The following MYO16 variants were observed in gnomAD, a reference collection of about 807,000 sequenced individuals.
MYO16 encodes the protein myosin XVI.
In MYO16, 94 loss-of-function variants were observed where a neutral mutation model predicts 205.3. That is an observed-to-expected ratio of 0.46 (90% confidence interval 0.39 to 0.54). The LOEUF is 0.54. MYO16 is among the 20% of genes least tolerant of loss of function. The pLI, the probability that MYO16 is intolerant of heterozygous loss-of-function variation, is 0.00. For missense variants in MYO16, 2,315 were observed against 2,387.5 expected (o/e 0.97, Z 0.63); for synonymous variants, 988 against 954.0 (o/e 1.04, Z -0.66).
intron 2 of MYO16, among the ~76,000 whole-genome samples, chr13:108,675,100 G>A (rs1882144640): frequency 6.6e-6 from 1 of 152,194 alleles, no homozygotes; most frequent in African/African-American, 2.4e-5. Context: ...CTTAGCACAG[G>A]AGGGGAAGGA....
chr13:108,905,965 C>T (rs1594385299), intron 15 of MYO16, among the ~76,000 whole-genome samples: 1 of 152,160 alleles, frequency 6.6e-6, no homozygotes, highest in Admixed American at 6.6e-5. Flanking sequence ...CCTTACGAGC[C>T]ACAAGGCCTG....
At chr13:108,978,156 A>G (rs924654113) in intron 20 of MYO16, among the ~76,000 whole-genome samples, 3 of 152,014 alleles carry the variant, frequency 2.0e-5, no homozygotes, top group Admixed American at 2.0e-4. Context: ...TCATATGTAG[A>G]AATCCTGCTG....
chr13:108,760,622 T>G (rs1885574360), intron 4 of MYO16, among the ~76,000 whole-genome samples: 1 of 152,200 alleles, frequency 6.6e-6, no homozygotes, highest in Admixed American at 6.5e-5. Flanking sequence ...TAAAGTCCTT[T>G]AGCCATTACA....
chr13:109,115,242 C>CAAA lies in MYO16; in HGVS notation c.3439-5102_3439-5100dup, dbSNP rs61441934. ...CTGTACCTCCACAGCCTACACCTCT[C>CAAA]AAAAAAAAAAAAAAAAAAAAAAAAA... On this transcript the variant is annotated intron_variant, in intron 28 of 34. Transcript: ENST00000457511. Among the ~76,000 whole-genome samples the CAAA allele has an allele frequency of 1.0e-3, 59 of 58,032 alleles. 4 individuals are homozygous for CAAA. Among genetic ancestry groups the CAAA allele is most frequent in the African/African-American group, 3.8e-3 (49 of 12,762 alleles). 38.1% of individuals were successfully genotyped at this position (58,032 alleles called of 152,430 possible).
rs138917842 is a variant in MYO16 at position 109,085,755 on chromosome 13, G to A, written c.3336-15030G>A. On this transcript the variant is annotated intron_variant, in intron 27 of 34. Coordinates refer to ENST00000457511, the MANE Select transcript of MYO16 (RefSeq NM_001198950.3). ...GCTTAGTGGGAGTGTGGACAGACCA[G>A]GGTCTATAAGGGACACTGACGATGT... 7.3e-3 allele frequency among the ~76,000 whole-genome samples: 1,113 copies of A among 152,308 alleles called. 13 individuals carry two copies. The highest frequency in any genetic ancestry group is 0.025 in the African/African-American group (1,055 of 41,566).
chr13:108,677,451 C>A (rs2139460165), intron 2 of MYO16, among the ~76,000 whole-genome samples: 1 of 149,688 alleles, frequency 6.7e-6, no homozygotes, highest in Admixed American at 6.7e-5. Flanking sequence ...TACAGATACA[C>A]ATGTACATAT....
chr13:108,912,813 G>T (rs1310871314), intron 16 of MYO16, among the ~76,000 whole-genome samples: 1 of 152,056 alleles, frequency 6.6e-6, no homozygotes, highest in African/African-American at 2.4e-5. Flanking sequence ...AGCTTAGAGT[G>T]CATCTGTGTC....
At chr13:108,645,046 G>A (rs763148757) in intron 1 of MYO16, among the ~76,000 whole-genome samples, 2 of 152,186 alleles carry the variant, frequency 1.3e-5, no homozygotes, top group Non-Finnish European at 2.9e-5. Flanking sequence ...GGAAACAGTA[G>A]CAGAGACATC....
chr13:109,100,004 A>G (rs1888908836), intron 27 of MYO16, among the ~76,000 whole-genome samples: 2 of 152,230 alleles, frequency 1.3e-5, no homozygotes, highest in Non-Finnish European at 2.9e-5. Flanking sequence ...TCATAAACAC[A>G]GAAGGCAACA....
chr13:108,994,361 T>G (rs1002548796), intron 21 of MYO16, among the ~76,000 whole-genome samples: 25 of 152,028 alleles, frequency 1.6e-4, no homozygotes, highest in African/African-American at 6.0e-4. Flanking sequence ...TTTAACAGGT[T>G]TGCTTTGCTA....
chr13:109,113,644 T>C (rs2139743484), intron 28 of MYO16, among the ~76,000 whole-genome samples: 1 of 152,282 alleles, frequency 6.6e-6, no homozygotes, highest in South Asian at 2.1e-4. Context: ...AAATGGGGAC[T>C]GGGAGAAAAG....
intron 4 of MYO16, among the ~76,000 whole-genome samples, chr13:108,774,647 C>G (rs1886071303): frequency 6.6e-6 from 1 of 151,578 alleles, no homozygotes. Context: ...TAAGGTTTTT[C>G]TAAATTTGGA....
At chr13:108,768,539 T>C (rs946569073) in intron 4 of MYO16, among the ~76,000 whole-genome samples, 1 of 152,200 alleles carries the variant, frequency 6.6e-6, no homozygotes, top group African/African-American at 2.4e-5. Flanking sequence ...TTTGAAAATA[T>C]AATATTTGAA....
chr13:108,916,528 AAACT>A (rs1333829325), intron 16 of MYO16, among the ~76,000 whole-genome samples: 1 of 152,254 alleles, frequency 6.6e-6, no homozygotes, highest in African/African-American at 2.4e-5. Flanking sequence ...TGCTGAAGCA[AAACT>A]AACTTACGAC....
In MYO16 at chr13:109,055,245, A is replaced by G. The variant is rs567565481; in HGVS notation, c.3129+119A>G. Reference sequence around the variant, plus strand: ...AAATATCTTCACAAAAAAAGTAAACATACACACACACACACACACACACAC... The same window carrying G: ...AAATATCTTCACAAAAAAAGTAAACGTACACACACACACACACACACACAC... On this transcript the variant is annotated intron_variant, in intron 26 of 34. Coordinates refer to ENST00000457511, the MANE Select transcript of MYO16 (RefSeq NM_001198950.3). This position sits in a 1 kb window ranked among gnomAD's most constrained non-coding sequence, Gnocchi z 5.0. The G allele has an allele frequency of 1.2e-5, 10 of 864,880 alleles. No homozygotes were observed. Among genetic ancestry groups the G allele is most frequent in the Non-Finnish European group, 1.3e-5 (8 of 600,606 alleles). 53.6% of individuals were successfully genotyped at this position (864,880 alleles called of 1,614,324 possible). A position where few individuals can be genotyped will look rare whatever the true frequency, so the allele number is the denominator to read the frequency against.
chr13:108,687,855 T>C (rs954467861), intron 2 of MYO16, among the ~76,000 whole-genome samples: 2 of 152,144 alleles, frequency 1.3e-5, no homozygotes, highest in Admixed American at 1.3e-4. Flanking sequence ...GATAATAAAA[T>C]ATAATTTGAG....
chr13:108,633,849 T>G (rs7318141), intron 1 of MYO16, among the ~76,000 whole-genome samples: 48,680 of 152,074 alleles, frequency 0.32, 7,797 homozygotes, highest in South Asian at 0.44. Context: ...CACTGCAGTG[T>G]TTCTGCAATG....
chr13:108,888,347 T>G (rs373917764), intron 13 of MYO16, 25 bp from the exon 14 acceptor site: 1 of 1,518,458 alleles, frequency 6.6e-7, no homozygotes, highest in African/African-American at 1.4e-5. Flanking sequence ...TTCAAACTTA[T>G]GTTTTTCCTC....
rs142330625 is a variant in MYO16, at chr13:108,873,284, C to G, written c.1425+7042C>G. Among the ~76,000 whole-genome samples, 921 of 152,250 alleles carry G rather than the reference C, an allele frequency of 6.0e-3. 4 individuals carry two copies. The highest frequency in any genetic ancestry group is 0.021 in the African/African-American group (886 of 41,538). ...AAGATTATAAAGACGAGGAGAATGA[C>G]TTCTCCATTTCATATTTAAAAAGAA... On this transcript the variant is annotated intron_variant, in intron 12 of 34. Coordinates refer to ENST00000457511, the MANE Select transcript of MYO16 (RefSeq NM_001198950.3).
Sources: allele counts gnomAD v4.1 joint callset (sites outside exome capture counted in the v4.1 genomes callset), GRCh38; gene constraint gnomAD v4.1.1; non-coding constraint Gnocchi (gnomAD v3.1); transcripts MANE v1.5; gene names NCBI Gene and HGNC (gene_info 2026-07-23, HGNC 2026-07-21).